The following AGBL1 variants were observed in gnomAD, a reference collection of about 807,000 sequenced individuals.
AGBL1 encodes the protein cytosolic carboxypeptidase 4.
AGBL1 carries 130 observed loss-of-function variants against 118.9 expected under a neutral mutation model. The ratio of observed to expected loss-of-function variants is 1.09; its 90% CI spans 0.95 to 1.26. The LOEUF is 1.26. Among genes scored for constraint, AGBL1 ranks in the 50% most tolerant of loss-of-function variants. The pLI is 0.00. For synonymous variants in AGBL1, 555 were observed against 478.9 expected, an observed-to-expected ratio of 1.16 and a Z score of -2.08; for missense variants, 1,584 against 1,298.1, an observed-to-expected ratio of 1.22 and a Z score of -3.38.
At chr15:86,703,061 C>A (rs1343882640) in intron 22 of AGBL1, among the ~76,000 whole-genome samples, 1 of 152,114 alleles carries the variant, frequency 6.6e-6, no homozygotes, top group Non-Finnish European at 1.5e-5. Context: ...ATTGTAGTGT[C>A]TCAGAATCCA....
At chr15:86,628,488 T>C (rs1412044728) in intron 21 of AGBL1, among the ~76,000 whole-genome samples, 1 of 152,092 alleles carries the variant, frequency 6.6e-6, no homozygotes, top group Non-Finnish European at 1.5e-5. Context: ...TTTATTGAAC[T>C]AATTTTTTTT....
At chr15:86,742,989 C>G (rs1334774423) in intron 22 of AGBL1, among the ~76,000 whole-genome samples, 1 of 151,938 alleles carries the variant, frequency 6.6e-6, no homozygotes, top group East Asian at 1.9e-4. Context: ...ATAATTTATT[C>G]AAAAAATTTG....
chr15:86,228,085 G>C (rs144303166), intron 6 of AGBL1, among the ~76,000 whole-genome samples: 1 of 152,330 alleles, frequency 6.6e-6, no homozygotes, highest in Non-Finnish European at 1.5e-5. Context: ...TCTGGTTATA[G>C]ATGGTACCAA....
intron 21 of AGBL1, among the ~76,000 whole-genome samples, chr15:86,648,928 A>G (rs1381866294): frequency 2.0e-5 from 3 of 152,232 alleles, no homozygotes; most frequent in Non-Finnish European, 1.5e-5. Flanking sequence ...GAGATTATAA[A>G]AGAAGAATTT....
rs149139762 is a variant in AGBL1, at chr15:86,490,910, G to C, written c.2556-31900G>C. On this transcript the variant is annotated intron_variant, in intron 18 of 22. Coordinates refer to ENST00000614907, the MANE Select transcript of AGBL1 (RefSeq NM_001386094.1). The stretch of plus-strand genomic sequence containing the variant: ...CTGTGAGCTTCAGTCTCTTCCTCTA[G>C]GAAATCTAGATGATGATTGTATCAC... 2.0e-5 allele frequency among the ~76,000 whole-genome samples: 3 copies of C among 152,108 alleles called. No individual in the cohort carries two copies. The East Asian group carries it at 5.8e-4, about 30-fold the overall frequency.
intron 21 of AGBL1, among the ~76,000 whole-genome samples, chr15:86,646,563 C>G (rs1276091130): frequency 6.6e-6 from 1 of 152,112 alleles, no homozygotes; most frequent in Non-Finnish European, 1.5e-5. Context: ...AGACTCTGTG[C>G]CCTGAGTTTG....
chr15:86,211,183 T>C (rs2078091118), intron 5 of AGBL1, among the ~76,000 whole-genome samples: 1 of 152,258 alleles, frequency 6.6e-6, no homozygotes, highest in Non-Finnish European at 1.5e-5. Context: ...ACAGCAAATA[T>C]TGCTGCCTGT....
At chr15:86,628,869 T>A (rs1438939767) in intron 21 of AGBL1, among the ~76,000 whole-genome samples, 1 of 152,134 alleles carries the variant, frequency 6.6e-6, no homozygotes, top group Non-Finnish European at 1.5e-5. Context: ...AATTGACAAA[T>A]AAAATGTATA....
chr15:86,980,151 A>G (rs2081216007), intron 23 of AGBL1, among the ~76,000 whole-genome samples: 1 of 149,628 alleles, frequency 6.7e-6, no homozygotes, highest in Non-Finnish European at 1.5e-5. Flanking sequence ...AACTCAACTC[A>G]GTAATCAGAT....
intron 24 of AGBL1, among the ~76,000 whole-genome samples, chr15:87,004,681 C>T (rs2081479520): frequency 6.6e-6 from 1 of 152,134 alleles, no homozygotes; most frequent in African/African-American, 2.4e-5. Context: ...GCATTTAGCC[C>T]ATTTACATTT....
At chr15:86,508,860 A>C (rs556257188) in intron 18 of AGBL1, among the ~76,000 whole-genome samples, 1 of 152,292 alleles carries the variant, frequency 6.6e-6, no homozygotes, top group Non-Finnish European at 1.5e-5. Context: ...TGCTAAAAAG[A>C]ACTGCTTTTA....
At chr15:86,960,401 C>T (rs2080980138) in intron 23 of AGBL1, among the ~76,000 whole-genome samples, 1 of 152,036 alleles carries the variant, frequency 6.6e-6, no homozygotes, top group Admixed American at 6.6e-5. Flanking sequence ...AAATCCACCA[C>T]TCTTGTTTTA....
intron 22 of AGBL1, among the ~76,000 whole-genome samples, chr15:86,786,869 C>G (rs2078419584): frequency 1.3e-5 from 2 of 152,070 alleles, no homozygotes; most frequent in African/African-American, 4.8e-5. Flanking sequence ...CTCCTTGTAC[C>G]CTTGTACTAC....
chr15:86,263,326 C>G (rs1330693876), intron 10 of AGBL1, among the ~76,000 whole-genome samples: 1 of 152,234 alleles, frequency 6.6e-6, no homozygotes, highest in Admixed American at 6.5e-5. Flanking sequence ...CTAGGAGCAA[C>G]AGGCCACACC....
At chr15:86,632,075 G>A (rs1001763023) in intron 21 of AGBL1, among the ~76,000 whole-genome samples, 13 of 150,902 alleles carry the variant, frequency 8.6e-5, no homozygotes, top group Admixed American at 3.3e-4. Flanking sequence ...GGCAGTCTGC[G>A]CAAGCCTAGG....
chr15:86,250,105 A>G (rs939430567), intron 7 of AGBL1, among the ~76,000 whole-genome samples: 1 of 152,198 alleles, frequency 6.6e-6, no homozygotes, highest in African/African-American at 2.4e-5. Context: ...GGCCTATGGG[A>G]TAGTGCTGAG....
chr15:86,230,385 G>A (rs1215749401), intron 6 of AGBL1, among the ~76,000 whole-genome samples: 2 of 152,214 alleles, frequency 1.3e-5, no homozygotes, highest in Non-Finnish European at 2.9e-5. Flanking sequence ...AGAGTTCCAA[G>A]GAGTCCTCAG....
intron 23 of AGBL1, among the ~76,000 whole-genome samples, chr15:86,950,337 A>G (rs557102793): frequency 1.1e-4 from 16 of 151,544 alleles, no homozygotes; most frequent in Non-Finnish European, 2.4e-4. Context: ...AATAATATAA[A>G]TAAAATCAAA....
In AGBL1 at chr15:86,247,689, C is replaced by A; in HGVS notation, c.545C>A (p.Ala182Glu). The change falls in exon 7 of 23, where the codon GCA becomes GAA. Residue 182 changes from alanine to glutamate, a missense_variant. Physicochemically the swap from Ala to Glu is moderately radical, Grantham distance 107. Coordinates refer to ENST00000614907, the MANE Select transcript of AGBL1 (RefSeq NM_001386094.1). The stretch of plus-strand genomic sequence containing the variant: ...TTTTCAGAGTCGAACGGCCGCAGAG[C>A]AGTGAACCGAGGCTACGTCACCAGC... ...LLKSKSNGRRAVNRGYVTSLL... is the reference protein window; with the variant it reads ...LLKSKSNGRREVNRGYVTSLL... The A allele has an allele frequency of 6.2e-7, 1 of 1,609,034 alleles. No individual in the cohort carries two copies. The highest frequency in any genetic ancestry group is 8.5e-7 in the Non-Finnish European group (1 of 1,177,750).
Sources: gnomAD v4.1 joint callset for allele counts (sites outside exome capture counted in the v4.1 genomes callset) on GRCh38, gnomAD v4.1.1 for gene constraint, MANE v1.5 for transcripts, NCBI Gene and HGNC (gene_info 2026-07-23, HGNC 2026-07-21) for gene names.